Variants in SAMD3 observed in about 807,000 individuals in gnomAD.
The protein encoded by SAMD3 is sterile alpha motif domain containing 3, also known as sterile alpha motif domain-containing protein 3.
Under a neutral mutation model 58.5 loss-of-function variants are expected in SAMD3, and 63 were observed. That is an observed-to-expected ratio of 1.08 (90% CI 0.88 to 1.33). The LOEUF is 1.33. Ranked by LOEUF, SAMD3 falls within the 40% of genes most tolerant of loss-of-function variation. The pLI, the probability that SAMD3 is intolerant of heterozygous loss-of-function variation, is 0.00. For missense variants in SAMD3, 604 were observed against 608.4 expected, an observed-to-expected ratio of 0.99 and a Z score of 0.08; for synonymous variants, 220 against 210.3, an observed-to-expected ratio of 1.05 and a Z score of -0.40.
chr6:130,226,442 A>G (rs371652180), upstream of SAMD3, among the ~76,000 whole-genome samples: 4 of 152,366 alleles, frequency 2.6e-5, no homozygotes, highest in South Asian at 8.3e-4. Context: ...TCCAATGTAC[A>G]GAGCCCTATA....
intron 5 of SAMD3, among the ~76,000 whole-genome samples, chr6:130,209,280 T>C (rs183692977): frequency 3.5e-4 from 54 of 152,336 alleles, no homozygotes; most frequent in African/African-American, 1.2e-3. Flanking sequence ...AGATGTATAC[T>C]ATCATTCTAA....
chr6:130,181,716 C>T (rs1792345766), intron 7 of SAMD3, among the ~76,000 whole-genome samples: 1 of 152,018 alleles, frequency 6.6e-6, no homozygotes, highest in South Asian at 2.1e-4. Context: ...GTATTGGTTA[C>T]TTATGGGGAG....
At chr6:130,329,261 CA>C (rs10708421) in intron 1 of SAMD3, among the ~76,000 whole-genome samples, 26,243 of 118,056 alleles carry the variant, frequency 0.22, 2,326 homozygotes, top group East Asian at 0.39. Flanking sequence ...CAATGAATCT[CA>C]AAAAAAAAAA....
At chr6:130,312,870 T>A (rs1410408394) in intron 2 of SAMD3, 1 of 152,162 alleles carries the variant, frequency 6.6e-6, no homozygotes, top group Non-Finnish European at 1.5e-5. Flanking sequence ...AATAATTTGG[T>A]GATTTATCTG....
intron 2 of SAMD3, among the ~76,000 whole-genome samples, chr6:130,290,860 A>G (rs1775338703): frequency 6.6e-6 from 1 of 152,250 alleles, no homozygotes; most frequent in Non-Finnish European, 1.5e-5. Context: ...AAATATAACA[A>G]TATACAAATT....
chr6:130,336,430 G>T (rs1373527666), intron 1 of SAMD3, among the ~76,000 whole-genome samples: 3 of 152,112 alleles, frequency 2.0e-5, no homozygotes, highest in Non-Finnish European at 2.9e-5. Context: ...GGAAAGTTTT[G>T]TTCTAAAAAA....
intron 1 of SAMD3, among the ~76,000 whole-genome samples, chr6:130,357,198 C>T (rs1777858693): frequency 7.1e-6 from 1 of 141,606 alleles, no homozygotes; most frequent in African/African-American, 2.7e-5. Context: ...GATCTTGGCT[C>T]ACTGCAAGCT....
At chr6:130,215,654 G>A in intron 2 of SAMD3, 1 of 1,401,026 alleles carries the variant, frequency 7.1e-7, no homozygotes. Context: ...AAAGAAAGGT[G>A]TGAAATTCAC....
intron 2 of SAMD3, among the ~76,000 whole-genome samples, chr6:130,266,489 CT>C (rs1223489259): frequency 2.0e-4 from 30 of 152,146 alleles, no homozygotes; most frequent in Non-Finnish European, 4.4e-5. Flanking sequence ...GGACTTCACC[CT>C]TCCTGTAGGA....
chr6:130,253,380 T>G (rs769136000), intron 2 of SAMD3, among the ~76,000 whole-genome samples: 3 of 152,218 alleles, frequency 2.0e-5, no homozygotes, highest in Non-Finnish European at 1.5e-5. Context: ...CATCTTGAGC[T>G]ACTACCTAAA....
intron 2 of SAMD3, among the ~76,000 whole-genome samples, chr6:130,266,167 T>C (rs769377776): frequency 6.6e-6 from 1 of 152,180 alleles, no homozygotes; most frequent in Non-Finnish European, 1.5e-5. Context: ...AGGAAAAGTT[T>C]ATAAACGCTC....
chr6:130,213,767 C>T (rs1055722106), intron 4 of SAMD3, among the ~76,000 whole-genome samples: 4 of 152,102 alleles, frequency 2.6e-5, no homozygotes, highest in African/African-American at 9.7e-5. Flanking sequence ...TTATCTGCCA[C>T]CACTAATGTT....
At chr6:130,264,071 T>C (rs1467684463) in intron 2 of SAMD3, among the ~76,000 whole-genome samples, 1 of 152,220 alleles carries the variant, frequency 6.6e-6, no homozygotes, top group Non-Finnish European at 1.5e-5. Flanking sequence ...AAATATTCCA[T>C]CTGCATGTTA....
At chr6:130,203,957 A>G (rs1457746348) in intron 5 of SAMD3, among the ~76,000 whole-genome samples, 1 of 152,222 alleles carries the variant, frequency 6.6e-6, no homozygotes, top group African/African-American at 2.4e-5. Flanking sequence ...CAACGCATCA[A>G]ATATGTTGAA....
chr6:130,195,414 C>T (rs913483908), intron 5 of SAMD3, among the ~76,000 whole-genome samples: 1 of 152,182 alleles, frequency 6.6e-6, no homozygotes, highest in African/African-American at 2.4e-5. Flanking sequence ...ATAAACTCTC[C>T]TTACAATTCC....
chr6:130,237,337 A>G (rs905479276), intron 2 of SAMD3, among the ~76,000 whole-genome samples: 3 of 152,132 alleles, frequency 2.0e-5, no homozygotes, highest in African/African-American at 7.2e-5. Flanking sequence ...TATTATGCTC[A>G]CATAATCCCC....
chr6:130,358,720 A>G (rs1179036996), intron 1 of SAMD3, among the ~76,000 whole-genome samples: 1 of 137,572 alleles, frequency 7.3e-6, no homozygotes, highest in Non-Finnish European at 1.5e-5. Flanking sequence ...ATATCCCACT[A>G]TGTCTTACAC....
chr6:130,231,987 G>T (rs1253451001), intron 2 of SAMD3, among the ~76,000 whole-genome samples: 1 of 152,128 alleles, frequency 6.6e-6, no homozygotes, highest in African/African-American at 2.4e-5. Context: ...TCAGTAATAT[G>T]ATTGGGGATA....
In SAMD3 at chr6:130,165,538, T is replaced by C. The variant is rs112064653; in HGVS notation, c.822+10303A>G. Among the ~76,000 whole-genome samples the C allele has an allele frequency of 5.5e-3, 830 of 152,192 alleles. 2 individuals carry two copies. Among genetic ancestry groups the C allele is most frequent in the Non-Finnish European group, 8.5e-3 (580 of 68,008 alleles). ...TCAAATTTAGAGTGAATTTACCCCATAAAGACAGAGGAGAATCTTTTCAAA... is the reference window on the plus strand; with the variant it reads ...TCAAATTTAGAGTGAATTTACCCCACAAAGACAGAGGAGAATCTTTTCAAA... On this transcript the variant is annotated intron_variant, in intron 8 of 11. Coordinates refer to ENST00000439090, the MANE Select transcript of SAMD3 (RefSeq NM_001017373.4).
Sources: gnomAD v4.1 joint callset for allele counts (sites outside exome capture counted in the v4.1 genomes callset) on GRCh38, gnomAD v4.1.1 for gene constraint, MANE v1.5 for transcripts, NCBI Gene and HGNC (gene_info 2026-07-23, HGNC 2026-07-21) for gene names.